Variants in NSUN6 observed in about 807,000 individuals in gnomAD.
NSUN6 encodes tRNA (cytosine(72)-C(5))-methyltransferase NSUN6.
Under a neutral mutation model 58.0 loss-of-function variants are expected in NSUN6, and 64 were observed. The ratio of observed to expected loss-of-function variants is 1.10; its 90% CI spans 0.90 to 1.36. NSUN6 has a LOEUF of 1.36. NSUN6 is among the 40% of genes most tolerant of loss of function. The pLI is 0.00. For missense variants in NSUN6, 701 were observed against 550.1 expected (o/e 1.27, Z -2.74); for synonymous variants, 231 against 193.9 (o/e 1.19, Z -1.59).
At chr10:18,586,630 T>C (rs1472825376) in intron 7 of NSUN6, among the ~76,000 whole-genome samples, 1 of 152,206 alleles carries the variant, frequency 6.6e-6, no homozygotes, top group African/African-American at 2.4e-5. Flanking sequence ...GTGGTCTCGC[T>C]GACTTCAGGA....
At chr10:18,597,541 G>A (rs892640868) in intron 6 of NSUN6, among the ~76,000 whole-genome samples, 6 of 152,140 alleles carry the variant, frequency 3.9e-5, no homozygotes, top group African/African-American at 7.2e-5. Context: ...AGGCCAAAGC[G>A]GGAGGATTGC....
rs536678060 is a variant in NSUN6 at position 18,640,870 on chromosome 10, A to C, written c.311+1606T>G. Among the ~76,000 whole-genome samples the C allele has an allele frequency of 4.6e-5, 7 of 152,116 alleles. 1 individual carries two copies. Among genetic ancestry groups the C allele is most frequent in the African/African-American group, 1.4e-4 (6 of 41,518 alleles). ...TACATTCTTATAGTAAAAAAAAAAA[A>C]AACAAAAATATTACACATGAAAATT... is the stretch of plus-strand genomic sequence containing the variant. On this transcript the variant is annotated intron_variant, in intron 3 of 10. Transcript: ENST00000377304.
intron 2 of NSUN6, among the ~76,000 whole-genome samples, chr10:18,645,577 T>C (rs1487836391): frequency 2.6e-5 from 4 of 152,242 alleles, no homozygotes; most frequent in African/African-American, 4.8e-5. Flanking sequence ...TAATTTTTAT[T>C]GCTGAAGGAT....
chr10:18,555,174 G>C (rs765383060), intron 8 of NSUN6, among the ~76,000 whole-genome samples: 9 of 150,066 alleles, frequency 6.0e-5, no homozygotes, highest in Non-Finnish European at 1.0e-4. Context: ...ATGGAATGGA[G>C]GATGGAATGG....
upstream of NSUN6, chr10:18,651,753 T>C (rs1277350857): frequency 2.0e-6 from 2 of 985,480 alleles, no homozygotes; most frequent in Non-Finnish European, 2.4e-6. Context: ...TTCCTAACCC[T>C]GCGTGAGGCT....
intron 3 of NSUN6, among the ~76,000 whole-genome samples, chr10:18,626,873 T>A (rs985566276): frequency 6.6e-6 from 1 of 152,218 alleles, no homozygotes; most frequent in African/African-American, 2.4e-5. Flanking sequence ...CATATTCAAT[T>A]GTGAAAGAAA....
At chr10:18,555,980 A>T (rs533968769) in intron 8 of NSUN6, among the ~76,000 whole-genome samples, 22 of 150,310 alleles carry the variant, frequency 1.5e-4, no homozygotes, top group Admixed American at 7.3e-4. Context: ...GGAGAATTAA[A>T]TAGAATGGAT....
At chr10:18,611,663 G>T (rs1455864525) in intron 5 of NSUN6, among the ~76,000 whole-genome samples, 1 of 151,986 alleles carries the variant, frequency 6.6e-6, no homozygotes, top group African/African-American at 2.4e-5. Flanking sequence ...CCCAGTAGCT[G>T]CGACTACAGG....
At chr10:18,557,173 A>C (rs1589839514) in intron 8 of NSUN6, among the ~76,000 whole-genome samples, 2 of 151,654 alleles carry the variant, frequency 1.3e-5, no homozygotes, top group South Asian at 4.2e-4. Flanking sequence ...AATAGAATGG[A>C]ATGGAAAATG....
At chr10:18,610,067 C>T in intron 5 of NSUN6, 141 bp from the exon 6 acceptor site, 1 of 621,332 alleles carries the variant, frequency 1.6e-6, no homozygotes, top group East Asian at 2.9e-5. Context: ...AGCCTGTAAT[C>T]CCAGCACTTT....
rs542024426 is a variant in NSUN6 at position 18,549,548 on chromosome 10, G to T, written c.1072-1311C>A. On this transcript the variant is annotated intron_variant, in intron 9 of 10. Transcript: ENST00000377304. Reference sequence around the variant, plus strand: ...ACTCATTTATTTATTTCCTTTCCTAGTTAGAATGGAAACCTCGTGAATAAG... The same window carrying T: ...ACTCATTTATTTATTTCCTTTCCTATTTAGAATGGAAACCTCGTGAATAAG... Among the ~76,000 whole-genome samples the T allele has an allele frequency of 3.9e-5, 6 of 151,996 alleles. No homozygotes were observed. In the East Asian group the frequency reaches 9.7e-4, roughly 24 times the overall value.
chr10:18,585,911 ATC>A (rs1175939446), intron 8 of NSUN6, 36 bp downstream of exon 8: 3 of 1,481,402 alleles, frequency 2.0e-6, no homozygotes, highest in East Asian at 4.6e-5. Context: ...CAAATATATG[ATC>A]TGTCAATTAA....
intron 9 of NSUN6, among the ~76,000 whole-genome samples, chr10:18,551,121 C>A (rs1039658719): frequency 6.6e-6 from 1 of 152,064 alleles, no homozygotes; most frequent in Middle Eastern, 3.4e-3. Flanking sequence ...TGACTTTTTT[C>A]AGATAGAGAA....
chr10:18,596,123 C>T, intron 7 of NSUN6, 85 bp downstream of exon 7: 3 of 1,133,230 alleles, frequency 2.6e-6, no homozygotes, highest in Non-Finnish European at 3.9e-6. Flanking sequence ...CTAAATGAGA[C>T]TGTGAATGGC....
At chr10:18,569,615 A>T (rs897539689) in intron 8 of NSUN6, among the ~76,000 whole-genome samples, 1 of 150,238 alleles carries the variant, frequency 6.7e-6, no homozygotes, top group Non-Finnish European at 1.5e-5. Flanking sequence ...TCTCCTTACC[A>T]ACCTCCATTC....
At chr10:18,630,552 A>AT (rs894982595) in intron 3 of NSUN6, among the ~76,000 whole-genome samples, 1 of 152,256 alleles carries the variant, frequency 6.6e-6, no homozygotes, top group African/African-American at 2.4e-5. Context: ...AATAGATGCG[A>AT]TAAAAAATGA....
chr10:18,625,732 A>ATTT (rs1231982820), intron 3 of NSUN6, among the ~76,000 whole-genome samples: 26 of 148,960 alleles, frequency 1.7e-4, no homozygotes, highest in African/African-American at 6.1e-4. Flanking sequence ...AAAAAAAAAA[A>ATTT]AAAAAAAAAA....
At chr10:18,566,403 CTTCA>C (rs2055948582) in intron 8 of NSUN6, among the ~76,000 whole-genome samples, 1 of 148,176 alleles carries the variant, frequency 6.7e-6, no homozygotes, top group Non-Finnish European at 1.5e-5. Flanking sequence ...CTCCATTCTT[CTTCA>C]TTCTATTCCA....
intron 8 of NSUN6, among the ~76,000 whole-genome samples, chr10:18,579,692 T>C (rs2056820828): frequency 6.6e-6 from 1 of 152,156 alleles, no homozygotes; most frequent in South Asian, 2.1e-4. Context: ...AATCAATATG[T>C]GTAAAATGTA....
Sources: gnomAD v4.1 joint callset for allele counts (sites outside exome capture counted in the v4.1 genomes callset) on GRCh38, gnomAD v4.1.1 for gene constraint, MANE v1.5 for transcripts, NCBI Gene and HGNC (gene_info 2026-07-23, HGNC 2026-07-21) for gene names.